Variants in ZC3HC1 observed in about 807,000 individuals in gnomAD.
ZC3HC1 encodes the protein zinc finger C3HC-type containing 1, also known as zinc finger C3HC-type protein 1.
A neutral mutation model predicts 61.9 loss-of-function variants in ZC3HC1; 38 were observed. The observed-to-expected ratio is 0.61, with a 90% CI of 0.47 to 0.81. ZC3HC1 has a LOEUF of 0.81. Ranked by LOEUF, ZC3HC1 falls within the 30% of genes least tolerant of loss-of-function variation. The pLI is 0.00. For missense variants in ZC3HC1, 554 were observed against 622.7 expected (o/e 0.89, Z 1.17); for synonymous variants, 213 against 229.9 (o/e 0.93, Z 0.67).
intron 9 of ZC3HC1, 38 bp downstream of exon 9, chr7:130,022,281 C>T (rs1793677685): frequency 6.2e-7 from 1 of 1,613,046 alleles, no homozygotes; most frequent in Non-Finnish European, 8.5e-7. Flanking sequence ...CCATAAACAG[C>T]AAGTGCTGCC....
At chr7:130,046,888 A>G (rs573720602) in intron 2 of ZC3HC1, among the ~76,000 whole-genome samples, 202 of 152,066 alleles carry the variant, frequency 1.3e-3, no homozygotes, top group Non-Finnish European at 2.6e-3. Context: ...CCCAGGTTCA[A>G]GCAATTTCTC....
chr7:130,049,697 A>G (rs922178062), intron 1 of ZC3HC1, among the ~76,000 whole-genome samples: 2 of 151,790 alleles, frequency 1.3e-5, no homozygotes, highest in Non-Finnish European at 2.9e-5. Context: ...GGCGCGTACC[A>G]CCAGGCGTGG....
At chr7:130,028,869 G>C in intron 5 of ZC3HC1, 33 bp downstream of exon 5, 3 of 1,602,148 alleles carry the variant, frequency 1.9e-6, no homozygotes, top group Non-Finnish European at 2.6e-6. Flanking sequence ...GCAACAACTG[G>C]AGGCCATTGC....
At chr7:130,045,960 A>G (rs1794848683) in intron 2 of ZC3HC1, among the ~76,000 whole-genome samples, 1 of 151,904 alleles carries the variant, frequency 6.6e-6, no homozygotes, top group Non-Finnish European at 1.5e-5. Flanking sequence ...TCTCTTTGAT[A>G]CTATGCAGCC....
intron 2 of ZC3HC1, among the ~76,000 whole-genome samples, chr7:130,044,858 C>T (rs574130473): frequency 1.3e-5 from 2 of 152,310 alleles, no homozygotes; most frequent in East Asian, 3.9e-4. Flanking sequence ...TAACCTGAAT[C>T]TAATCACAAA....
intron 2 of ZC3HC1, among the ~76,000 whole-genome samples, chr7:130,047,271 T>C (rs574578188): frequency 6.6e-6 from 1 of 152,222 alleles, no homozygotes; most frequent in South Asian, 2.1e-4. Context: ...TAATTTTGTA[T>C]TTTTAGTAGC....
chr7:130,045,479 C>T (rs538015849), intron 2 of ZC3HC1: 1 of 457,430 alleles, frequency 2.2e-6, no homozygotes, highest in South Asian at 1.5e-5. Context: ...AGCTTCACAA[C>T]CTCTATGGTC....
At chr7:130,048,958 G>T in intron 2 of ZC3HC1, 75 bp downstream of exon 2, 3 of 1,089,666 alleles carry the variant, frequency 2.8e-6, no homozygotes, top group Non-Finnish European at 2.6e-6. Context: ...AAGCATCACA[G>T]TAAGTGGTGT....
chr7:130,043,328 A>C (rs1172437734), intron 2 of ZC3HC1: 1 of 152,496 alleles, frequency 6.6e-6, no homozygotes, highest in Non-Finnish European at 1.5e-5. Flanking sequence ...ACAGTAAAAA[A>C]AAAAGGATAA....
rs1296679436 is a variant in ZC3HC1, at chr7:130,024,617, T to C, written c.777-111A>G. On this transcript the variant is annotated intron_variant, in intron 6 of 9. Transcript: ENST00000358303. ...CATCCAATTTCTGGAACAGTCACCA[T>C]GTCCTATCAGAGCCTCTGTGCTCCA... 5.6e-6 allele frequency: 7 copies of C among 1,240,684 alleles called. No individual in the cohort carries two copies. The South Asian group carries it at 6.2e-5, about 11-fold the overall frequency. 76.9% of individuals were successfully genotyped at this position (1,240,684 alleles called of 1,614,324 possible).
At chr7:130,037,516 CCTCATAGGACCAAGTTTTGTTATA>C (rs1794474881) in intron 4 of ZC3HC1, among the ~76,000 whole-genome samples, 2 of 152,116 alleles carry the variant, frequency 1.3e-5, no homozygotes, top group African/African-American at 4.8e-5. Context: ...GGAATCAAAT[CCTCATAGGACCAAGTTTTGTTATA>C]CAATACAGGT....
At chr7:130,040,666 G>A (rs1794619754) in intron 3 of ZC3HC1, among the ~76,000 whole-genome samples, 1 of 150,234 alleles carries the variant, frequency 6.7e-6, no homozygotes, top group Admixed American at 6.7e-5. Flanking sequence ...AAATTAGCCA[G>A]GTGTAGTGGC....
At chr7:130,029,763 G>C (rs1794095201) in intron 4 of ZC3HC1, among the ~76,000 whole-genome samples, 1 of 152,140 alleles carries the variant, frequency 6.6e-6, no homozygotes, top group Non-Finnish European at 1.5e-5. Context: ...ACAGAACAGA[G>C]TTAGTGGAGA....
Position 130,018,655 on chromosome 7 carries a change from G to C in ZC3HC1, c.*9C>G. 4.4e-6 allele frequency: 7 copies of C among 1,605,324 alleles called. No individual in the cohort carries two copies. The highest frequency in any genetic ancestry group is 5.1e-6 in the Non-Finnish European group (6 of 1,173,470). On this transcript the variant is annotated 3_prime_UTR_variant, in exon 10 of 10. Coordinates refer to ENST00000358303, the MANE Select transcript of ZC3HC1 (RefSeq NM_016478.5). ...TTCCAGCTATCTCCAGGAAGGCGCT[G>C]GAGTATCTTCAGCATGAGCACAGAG...
chr7:130,041,408 T>C (rs1392402768), intron 2 of ZC3HC1, among the ~76,000 whole-genome samples: 1 of 151,926 alleles, frequency 6.6e-6, no homozygotes, highest in East Asian at 1.9e-4. Flanking sequence ...AGGCTGGTCT[T>C]GAACTCCTGA....
At position 130,023,806 on chromosome 7, in the gene ZC3HC1, C is replaced by CT. The variant is rs544479881; in HGVS notation, c.1021-84dup. ...AATACTTCTTTCTTTAATCTTTTTT[C>CT]TTTTTTTTTTTGAGACAGAGTCTCG... On this transcript the variant is annotated intron_variant, in intron 7 of 9. Transcript: ENST00000358303. The surrounding 1 kb of genome is among the most constrained non-coding windows in gnomAD (Gnocchi z 4.2). 0.058 allele frequency: 52,874 copies of CT among 910,596 alleles called. 12 individuals carry two copies. The highest frequency in any genetic ancestry group is 0.076 in the South Asian group (3,139 of 41,366). 56.4% of individuals were successfully genotyped at this position (910,596 alleles called of 1,614,324 possible).
chr7:130,021,854 C>T (rs189015962), intron 9 of ZC3HC1, among the ~76,000 whole-genome samples: 368 of 152,216 alleles, frequency 2.4e-3, no homozygotes, highest in Non-Finnish European at 3.8e-3. Context: ...TATGCCTAAT[C>T]CCTAGGACGA....
At chr7:130,051,430 G>T, upstream of ZC3HC1, 1 of 1,600,844 alleles carries the variant, frequency 6.2e-7, no homozygotes, top group Admixed American at 1.8e-5. Context: ...GTCCTGGGAG[G>T]TTAATATCCG....
chr7:130,026,451 A>G (rs1793913822), intron 5 of ZC3HC1, 139 bp from the exon 6 acceptor site: 10 of 855,198 alleles, frequency 1.2e-5, no homozygotes, highest in Non-Finnish European at 1.7e-5. Context: ...CACAGAGAAC[A>G]AAATACTTCC....
Sources: allele counts gnomAD v4.1 joint callset (sites outside exome capture counted in the v4.1 genomes callset), GRCh38; gene constraint gnomAD v4.1.1; non-coding constraint Gnocchi (gnomAD v3.1); transcripts MANE v1.5; gene names NCBI Gene and HGNC (gene_info 2026-07-23, HGNC 2026-07-21).